The following CSMD1 variants were observed in gnomAD, a reference collection of about 807,000 sequenced individuals.
CSMD1 encodes the protein CUB and sushi domain-containing protein 1.
CSMD1 carries 213 observed loss-of-function variants against 417.5 expected under a neutral mutation model. The ratio of observed to expected loss-of-function variants is 0.51; its 90% CI spans 0.46 to 0.57. The LOEUF (loss-of-function observed/expected upper bound fraction) is 0.57. Ranked by LOEUF, CSMD1 falls within the 20% of genes least tolerant of loss-of-function variation. The pLI, the probability that CSMD1 is intolerant of heterozygous loss-of-function variation, is 0.00. For missense variants in CSMD1, 6,923 were observed against 4,529.7 expected, an observed-to-expected ratio of 1.53 and a Z score of -15.17; for synonymous variants, 2,862 against 1,736.8, an observed-to-expected ratio of 1.65 and a Z score of -16.11.
intron 18 of CSMD1, among the ~76,000 whole-genome samples, chr8:3,386,749 C>A (rs1041157124): frequency 2.0e-5 from 3 of 152,066 alleles, no homozygotes; most frequent in Non-Finnish European, 4.4e-5. Flanking sequence ...CGTTTTTCTG[C>A]AGAAACAATG....
At chr8:4,953,708 G>A (rs868261085) in intron 1 of CSMD1, among the ~76,000 whole-genome samples, 1 of 152,138 alleles carries the variant, frequency 6.6e-6, no homozygotes, top group Admixed American at 6.5e-5. Flanking sequence ...TTTACATGTT[G>A]CTAAATTTGC....
chr8:4,140,869 G>A (rs1647360), intron 3 of CSMD1, among the ~76,000 whole-genome samples: 4 of 150,840 alleles, frequency 2.7e-5, no homozygotes, highest in Middle Eastern at 3.4e-3. Context: ...GAGGGCATTT[G>A]GGAGATTGCT....
At chr8:4,532,034 C>T (rs1270033683) in intron 2 of CSMD1, among the ~76,000 whole-genome samples, 2 of 146,312 alleles carry the variant, frequency 1.4e-5, no homozygotes, top group African/African-American at 5.1e-5. Context: ...AATCCTGCAC[C>T]CCCATTCAGT....
At chr8:3,216,422 C>T (rs537808091) in intron 29 of CSMD1, among the ~76,000 whole-genome samples, 14 of 152,234 alleles carry the variant, frequency 9.2e-5, no homozygotes, top group African/African-American at 3.4e-4. Context: ...AAAAAATTTC[C>T]CAGTACACAT....
At chr8:4,627,709 G>T (rs751656643) in intron 2 of CSMD1, among the ~76,000 whole-genome samples, 1 of 151,956 alleles carries the variant, frequency 6.6e-6, no homozygotes, top group Admixed American at 6.6e-5. Flanking sequence ...CCTCTGCCCC[G>T]CCAAAAAAAT....
chr8:4,993,634 T>C (rs934323639), intron 1 of CSMD1, among the ~76,000 whole-genome samples: 1 of 152,100 alleles, frequency 6.6e-6, no homozygotes, highest in African/African-American at 2.4e-5. Context: ...CCACAGTGAA[T>C]GTATCTGACT....
intron 25 of CSMD1, among the ~76,000 whole-genome samples, chr8:3,302,911 C>T (rs1243999376): frequency 6.6e-6 from 1 of 152,132 alleles, no homozygotes; most frequent in Admixed American, 6.6e-5. Flanking sequence ...AGGTTTCTTT[C>T]CTCTGACTCA....
At chr8:4,963,706 T>C (rs1809669079) in intron 1 of CSMD1, among the ~76,000 whole-genome samples, 1 of 152,122 alleles carries the variant, frequency 6.6e-6, no homozygotes, top group African/African-American at 2.4e-5. Flanking sequence ...CTAAAAGCTC[T>C]TCTTTGACCA....
At chr8:3,273,872 A>G (rs1466843314) in intron 26 of CSMD1, among the ~76,000 whole-genome samples, 1 of 152,080 alleles carries the variant, frequency 6.6e-6, no homozygotes, top group East Asian at 1.9e-4. Context: ...TCCTTTCAAA[A>G]AACCAGCTCC....
intron 1 of CSMD1, among the ~76,000 whole-genome samples, chr8:4,797,361 C>A (rs577233655): frequency 6.6e-6 from 1 of 152,288 alleles, no homozygotes; most frequent in South Asian, 2.1e-4. Context: ...AAGGGAGCAT[C>A]TGTGAAAGAG....
chr8:3,739,649 G>A lies in CSMD1; in HGVS notation c.931+14281C>T, dbSNP rs537014154. ...TGTGCTGAACATTTACAGTTCATAG[G>A]GAAATCTGTTAATGTTTAAATTCCT... On this transcript the variant is annotated intron_variant, in intron 6 of 69. Transcript: ENST00000635120. Among the ~76,000 whole-genome samples the A allele has an allele frequency of 7.2e-5, 11 of 152,174 alleles. No homozygotes were observed. The South Asian group carries it at 2.3e-3, about 32-fold the overall frequency.
intron 30 of CSMD1, among the ~76,000 whole-genome samples, chr8:3,212,872 C>A (rs112104181): frequency 0.042 from 6,160 of 147,908 alleles, 428 homozygotes; most frequent in African/African-American, 0.14. Flanking sequence ...TCTTGTTGCC[C>A]AAGCTGGAGT....
At chr8:3,912,712 G>A (rs1440457974) in intron 5 of CSMD1, among the ~76,000 whole-genome samples, 1 of 152,174 alleles carries the variant, frequency 6.6e-6, no homozygotes, top group Non-Finnish European at 1.5e-5. Flanking sequence ...CAACTGATGG[G>A]ATGAAATGTC....
intron 12 of CSMD1, among the ~76,000 whole-genome samples, chr8:3,444,286 G>A (rs891275577): frequency 1.3e-4 from 20 of 152,104 alleles, no homozygotes; most frequent in African/African-American, 4.6e-4. Flanking sequence ...TTATCCCACT[G>A]GATGGCAAAG....
rs538682610 is a variant in CSMD1 at position 3,727,853 on chromosome 8, G to A, written c.932-19362C>T. Among the ~76,000 whole-genome samples the A allele has an allele frequency of 2.0e-5, 3 of 152,274 alleles. 1 individual carries two copies. Among genetic ancestry groups the A allele is most frequent in the African/African-American group, 7.2e-5 (3 of 41,564 alleles). The stretch of plus-strand genomic sequence containing the variant: ...TAGGGCAGTGCGCCAGGTGAAATAT[G>A]CCTGTCACAAAAGGACAAATACTGT... On this transcript the variant is annotated intron_variant, in intron 6 of 69. Transcript: ENST00000635120.
At chr8:3,644,000 G>C (rs1797447448) in intron 7 of CSMD1, among the ~76,000 whole-genome samples, 2 of 152,142 alleles carry the variant, frequency 1.3e-5, no homozygotes, top group Admixed American at 1.3e-4. Flanking sequence ...ATTCATCGCT[G>C]TTGTTTCAAA....
chr8:3,477,217 C>T (rs1000516943), intron 11 of CSMD1, among the ~76,000 whole-genome samples: 36 of 152,096 alleles, frequency 2.4e-4, no homozygotes, highest in African/African-American at 8.7e-4. Flanking sequence ...TATGAGATGC[C>T]TGGATTTTAT....
intron 3 of CSMD1, among the ~76,000 whole-genome samples, chr8:4,314,652 T>C (rs895340374): frequency 6.6e-6 from 1 of 152,112 alleles, no homozygotes; most frequent in Non-Finnish European, 1.5e-5. Flanking sequence ...TACTATTACA[T>C]TACCATTTGT....
intron 5 of CSMD1, among the ~76,000 whole-genome samples, chr8:3,989,485 A>T (rs1435215365): frequency 6.6e-6 from 1 of 152,212 alleles, no homozygotes; most frequent in Non-Finnish European, 1.5e-5. Flanking sequence ...AAAAACCTGG[A>T]TTCTCTTCTA....
Sources: allele counts gnomAD v4.1 joint callset (sites outside exome capture counted in the v4.1 genomes callset), GRCh38; gene constraint gnomAD v4.1.1; transcripts MANE v1.5; gene names NCBI Gene and HGNC (gene_info 2026-07-23, HGNC 2026-07-21).